Variants in FAM107B observed in about 807,000 individuals in gnomAD.
The protein encoded by FAM107B is protein FAM107B.
FAM107B carries 21 observed loss-of-function variants against 31.5 expected under a neutral mutation model. That is an observed-to-expected ratio of 0.67 (90% CI 0.47 to 0.96). The LOEUF is 0.96. FAM107B is among the 40% of genes least tolerant of loss of function. The probability of loss-of-function intolerance (pLI) is 0.00; values close to 1 mark genes in which losing one functional copy is unlikely to be tolerated. For synonymous variants in FAM107B, 157 were observed against 141.5 expected (o/e 1.11, Z -0.78); for missense variants, 452 against 377.1 (o/e 1.20, Z -1.64).
chr10:14,692,394 G>A (rs1307756182), intron 1 of FAM107B, among the ~76,000 whole-genome samples: 1 of 152,088 alleles, frequency 6.6e-6, no homozygotes, highest in African/African-American at 2.4e-5. Context: ...TTGTGAGTGG[G>A]GCTGAGGGTG....
chr10:14,657,435 C>T (rs989200889), intron 2 of FAM107B, among the ~76,000 whole-genome samples: 12 of 152,260 alleles, frequency 7.9e-5, no homozygotes, highest in Non-Finnish European at 1.2e-4. Context: ...CAGGAAGTCT[C>T]GTTCACTTCA....
At chr10:14,756,778 T>C (rs1832938936) in intron 1 of FAM107B, among the ~76,000 whole-genome samples, 1 of 152,152 alleles carries the variant, frequency 6.6e-6, no homozygotes, top group African/African-American at 2.4e-5. Context: ...CCATCAATGA[T>C]AGACTAGATA....
intron 1 of FAM107B, among the ~76,000 whole-genome samples, chr10:14,751,501 T>C (rs75506284): frequency 3.3e-5 from 4 of 122,636 alleles, no homozygotes; most frequent in Admixed American, 1.5e-4. Flanking sequence ...TTATATGGGA[T>C]TTTTTTCTTT....
At chr10:14,673,615 T>C (rs942430671) in intron 1 of FAM107B, among the ~76,000 whole-genome samples, 3 of 152,156 alleles carry the variant, frequency 2.0e-5, no homozygotes, top group African/African-American at 4.8e-5. Flanking sequence ...TAGATATCTC[T>C]TTGACATGCT....
intron 2 of FAM107B, chr10:14,602,393 G>C (rs1422228053): frequency 6.6e-6 from 1 of 152,172 alleles, no homozygotes; most frequent in Non-Finnish European, 1.5e-5. Context: ...GAATTCAAAA[G>C]TCCAAAAATG....
chr10:14,534,196 T>C (rs1206048459), intron 2 of FAM107B, among the ~76,000 whole-genome samples: 1 of 152,110 alleles, frequency 6.6e-6, no homozygotes, highest in Non-Finnish European at 1.5e-5. Flanking sequence ...ACAGGTGGCA[T>C]GGTCCCTGCA....
At chr10:14,539,716 G>A (rs1053190610) in intron 2 of FAM107B, among the ~76,000 whole-genome samples, 3 of 152,140 alleles carry the variant, frequency 2.0e-5, no homozygotes, top group Admixed American at 1.3e-4. Flanking sequence ...TGGCTTAAGG[G>A]GGGAATAAAA....
Position 14,521,911 on chromosome 10 carries a change from G to C in FAM107B, c.762C>G (p.Asp254Glu). 6.2e-7 allele frequency: 1 copy of C among 1,614,128 alleles called. No individual in the cohort carries two copies. The highest frequency in any genetic ancestry group is 8.5e-7 in the Non-Finnish European group (1 of 1,180,020). Residue 254 changes from aspartate (D) to glutamate (E), a missense_variant, in exon 4 of 5, where the codon GAC becomes GAG. Transcript: ENST00000181796. ...KEEEAQKKKS[D>E]LEIELLKRQQ... ...GCCGTTTTAATAGCTCTATTTCCAA[G>C]TCAGATTTCTTCTTCTGTGCTTCTT... is the stretch of plus-strand genomic sequence containing the variant.
intron 1 of FAM107B, among the ~76,000 whole-genome samples, chr10:14,755,722 G>T (rs1477777953): frequency 6.6e-6 from 1 of 152,020 alleles, no homozygotes; most frequent in African/African-American, 2.4e-5. Context: ...TAATCACAAG[G>T]TGTTTATATC....
intron 1 of FAM107B, among the ~76,000 whole-genome samples, chr10:14,685,925 C>T (rs7898681): frequency 0.95 from 144,818 of 152,228 alleles, 69,270 homozygotes; most frequent in East Asian, 1. Context: ...CCTTGTCTTA[C>T]GTGGCAGCAG....
chr10:14,587,164 A>C (rs1033194401), intron 2 of FAM107B, among the ~76,000 whole-genome samples: 1 of 152,220 alleles, frequency 6.6e-6, no homozygotes, highest in Admixed American at 6.5e-5. Context: ...GAACTCACCA[A>C]GATAAAAGCA....
intron 1 of FAM107B, among the ~76,000 whole-genome samples, chr10:14,772,527 T>C (rs980662030): frequency 6.6e-6 from 1 of 152,060 alleles, no homozygotes; most frequent in Non-Finnish European, 1.5e-5. Context: ...GCCCTCTTCC[T>C]GCACCTCCTG....
intron 2 of FAM107B, among the ~76,000 whole-genome samples, chr10:14,636,568 C>T (rs1853505176): frequency 6.6e-6 from 1 of 152,022 alleles, no homozygotes; most frequent in Admixed American, 6.6e-5. Context: ...CTAAGGACAT[C>T]AGTAATATTG....
At chr10:14,761,389 A>C (rs1222738031) in intron 1 of FAM107B, among the ~76,000 whole-genome samples, 2 of 152,242 alleles carry the variant, frequency 1.3e-5, no homozygotes, top group Admixed American at 6.5e-5. Flanking sequence ...TATTGTTAAA[A>C]GTACCCATAC....
intron 2 of FAM107B, among the ~76,000 whole-genome samples, chr10:14,571,526 C>A (rs1339265216): frequency 6.6e-6 from 1 of 152,104 alleles, no homozygotes; most frequent in Non-Finnish European, 1.5e-5. Context: ...TGGTTGGCAT[C>A]TGAAGAAATT....
chr10:14,604,032 C>T (rs1202589691), intron 2 of FAM107B, among the ~76,000 whole-genome samples: 3 of 146,506 alleles, frequency 2.0e-5, no homozygotes, highest in Admixed American at 6.8e-5. Context: ...GCCGCGTGCC[C>T]GCCCTGAGCC....
At chr10:14,704,091 A>G (rs1855466840) in intron 1 of FAM107B, among the ~76,000 whole-genome samples, 1 of 152,198 alleles carries the variant, frequency 6.6e-6, no homozygotes, top group African/African-American at 2.4e-5. Flanking sequence ...CATTCTACAG[A>G]TGGTAGGAGC....
chr10:14,564,040 T>C (rs1850458663), intron 2 of FAM107B, among the ~76,000 whole-genome samples: 1 of 152,222 alleles, frequency 6.6e-6, no homozygotes, highest in Admixed American at 6.5e-5. Flanking sequence ...TATTATTGTT[T>C]GTTATTTTTG....
chr10:14,759,645 T>C (rs1833002768), intron 1 of FAM107B, among the ~76,000 whole-genome samples: 2 of 152,348 alleles, frequency 1.3e-5, no homozygotes, highest in East Asian at 3.9e-4. Flanking sequence ...TGAATGTTTA[T>C]TGAATAAATT....
Sources: allele counts gnomAD v4.1 joint callset (sites outside exome capture counted in the v4.1 genomes callset), GRCh38; gene constraint gnomAD v4.1.1; transcripts MANE v1.5; gene names NCBI Gene and HGNC (gene_info 2026-07-23, HGNC 2026-07-21).